The following DISP1 variants were observed in gnomAD, a reference collection of about 807,000 sequenced individuals.
The protein encoded by DISP1 is protein dispatched homolog 1.
Under a neutral mutation model 37.3 loss-of-function variants are expected in DISP1, and 30 were observed. The ratio of observed to expected loss-of-function variants is 0.80; its 90% confidence interval spans 0.60 to 1.09. The LOEUF is 1.09. DISP1 is among the 50% of genes least tolerant of loss of function. The pLI is 0.00. For missense variants in DISP1, 1,598 were observed against 1,879.5 expected (o/e 0.85, Z 2.77); for synonymous variants, 634 against 690.2 (o/e 0.92, Z 1.28).
intron 7 of DISP1, among the ~76,000 whole-genome samples, chr1:222,992,863 A>ATTTTTTT (rs1678798071): frequency 6.7e-5 from 1 of 14,980 alleles, no homozygotes; most frequent in Non-Finnish European, 2.6e-4. Context: ...AAAAACCCAG[A>ATTTTTTT]ATTTTTTTTT....
At chr1:222,932,802 AAG>A (rs1673485953) in intron 2 of DISP1, among the ~76,000 whole-genome samples, 3 of 152,062 alleles carry the variant, frequency 2.0e-5, no homozygotes, top group Admixed American at 2.0e-4. Flanking sequence ...GAACCTGGAA[AAG>A]AGATCTCTGA....
rs770897795 is a variant in DISP1, at chr1:223,005,596, G to C, written c.4199G>C (p.Gly1400Ala). The C allele has an allele frequency of 1.9e-6, 3 of 1,614,054 alleles. No homozygotes were observed. In the South Asian group the frequency reaches 3.3e-5, roughly 18 times the overall value. ...TCGTCATTTGTCTGCAGAAGCACTG[G>C]ATCGTTACTCAAAACGTGTTGCGAC... Reference protein sequence around the residue: ...EPSSFVCRSTGSLLKTCCDPE... With the variant: ...EPSSFVCRSTASLLKTCCDPE... The change falls in exon 9 of 9, where the codon GGA becomes GCA. Residue 1400 changes from glycine (G) to alanine (A), a missense_variant. Coordinates refer to ENST00000675850, the MANE Select transcript of DISP1 (RefSeq NM_001377229.1).
At chr1:222,998,974 G>GT (rs1232654058) in intron 8 of DISP1, among the ~76,000 whole-genome samples, 1 of 152,096 alleles carries the variant, frequency 6.6e-6, no homozygotes, top group African/African-American at 2.4e-5. Flanking sequence ...GTGGAGGAGG[G>GT]TCCGGCAGTC....
chr1:222,891,255 G>T (rs1418827775), intron 1 of DISP1, among the ~76,000 whole-genome samples: 1 of 152,178 alleles, frequency 6.6e-6, no homozygotes, highest in African/African-American at 2.4e-5. Flanking sequence ...CATTTTGAAG[G>T]TAGAATAGAT....
intron 1 of DISP1, among the ~76,000 whole-genome samples, chr1:222,847,602 A>AT (rs529588273): frequency 4.0e-5 from 6 of 151,348 alleles, no homozygotes; most frequent in Middle Eastern, 3.2e-3. Flanking sequence ...CCAATAGATT[A>AT]TTTTTTTTTC....
At chr1:222,979,320 G>A (rs1338570430) in intron 3 of DISP1, among the ~76,000 whole-genome samples, 1 of 152,110 alleles carries the variant, frequency 6.6e-6, no homozygotes, top group Non-Finnish European at 1.5e-5. Flanking sequence ...GGCTGAGGTG[G>A]GAGGATTACT....
chr1:222,909,540 G>A (rs967739788), intron 1 of DISP1, among the ~76,000 whole-genome samples: 1 of 152,190 alleles, frequency 6.6e-6, no homozygotes, highest in Middle Eastern at 3.2e-3. Flanking sequence ...CAACTCTTCT[G>A]TAGTTGGCAC....
At chr1:222,823,099 A>T (rs1468522989) in intron 1 of DISP1, among the ~76,000 whole-genome samples, 1 of 152,346 alleles carries the variant, frequency 6.6e-6, no homozygotes, top group African/African-American at 2.4e-5. Flanking sequence ...ATTAGTACAA[A>T]TTATTTGGAA....
intron 2 of DISP1, among the ~76,000 whole-genome samples, chr1:222,940,795 A>G (rs1441480524): frequency 6.6e-6 from 1 of 152,196 alleles, no homozygotes; most frequent in Admixed American, 6.5e-5. Context: ...ACTGAGGTAC[A>G]GGTGGAGGTT....
In DISP1 at chr1:222,991,465, A is replaced by C; in HGVS notation, c.664-55A>C. 4 of 1,610,136 alleles carry C rather than the reference A, an allele frequency of 2.5e-6. No individual in the cohort carries two copies. In the East Asian group the frequency reaches 6.7e-5, roughly 27 times the overall value. On this transcript the variant is annotated intron_variant, in intron 5 of 8. Transcript: ENST00000675850. ...ATTGCTTTCCCAAGCTTTTATTGTA[A>C]CTGTACTTAGCCTGAAATGAAATAT...
intron 3 of DISP1, among the ~76,000 whole-genome samples, chr1:222,963,679 A>G (rs1467739658): frequency 6.6e-6 from 1 of 151,676 alleles, no homozygotes; most frequent in Non-Finnish European, 1.5e-5. Context: ...AAAACCAAAC[A>G]TCACATGTTC....
At position 222,977,176 on chromosome 1, in the gene DISP1, T is replaced by A. The variant is rs1050221696; in HGVS notation, c.510-5904T>A. 4.6e-5 allele frequency among the ~76,000 whole-genome samples: 7 copies of A among 150,746 alleles called. No homozygotes were observed. In the East Asian group the frequency reaches 1.4e-3, roughly 30 times the overall value. ...TCCTGAGTAGCTGGGATTACATGCA[T>A]GCACCACCATGCCCGGCTAGTTTTT... On this transcript the variant is annotated intron_variant, in intron 3 of 8. Transcript: ENST00000675850.
In DISP1 at chr1:222,876,701, A is replaced by G. The variant is rs1669993568; in HGVS notation, c.-158-51729A>G. Among the ~76,000 whole-genome samples, 3 of 152,308 alleles carry G rather than the reference A, an allele frequency of 2.0e-5. No homozygotes were observed. In the South Asian group the frequency reaches 6.2e-4, roughly 32 times the overall value. ...TTTGTACAAAGTTGGAAGACATACA[A>G]AAGAATACATGCATTGTTTATGAAT... On this transcript the variant is annotated intron_variant, in intron 1 of 8. Coordinates refer to ENST00000675850, the MANE Select transcript of DISP1 (RefSeq NM_001377229.1).
At chr1:222,986,506 TCTGA>T (rs1399255638) in intron 4 of DISP1, among the ~76,000 whole-genome samples, 1 of 152,212 alleles carries the variant, frequency 6.6e-6, no homozygotes, top group Non-Finnish European at 1.5e-5. Context: ...ACTGAAAATC[TCTGA>T]CTATGTTTGA....
At chr1:222,978,874 G>A (rs1191613905) in intron 3 of DISP1, among the ~76,000 whole-genome samples, 2 of 152,036 alleles carry the variant, frequency 1.3e-5, no homozygotes, top group African/African-American at 2.4e-5. Flanking sequence ...TGTTCCATTG[G>A]TCTATCTCTC....
rs1420597120 is a variant in DISP1 at position 222,959,062 on chromosome 1, CCTTT to C, written c.509+15733_509+15736del. Among the ~76,000 whole-genome samples, 9 of 151,914 alleles carry C rather than the reference CCTTT, an allele frequency of 5.9e-5. No homozygotes were observed. In the East Asian group the frequency reaches 1.5e-3, roughly 26 times the overall value. On this transcript the variant is annotated intron_variant, in intron 3 of 8. Transcript: ENST00000675850. ...ATTTGTGATTTTTATAACAAAGTTA[CCTTT>C]CTAAGAATTTTAATAAATTTTATCG...
chr1:222,980,249 T>C (rs1050609414), intron 3 of DISP1, among the ~76,000 whole-genome samples: 2 of 152,240 alleles, frequency 1.3e-5, no homozygotes, highest in African/African-American at 4.8e-5. Flanking sequence ...AATGTTTCTC[T>C]TTAATTAACC....
rs144670343 is a variant in DISP1 at position 222,928,875 on chromosome 1, T to G, written c.-18+305T>G. The stretch of plus-strand genomic sequence containing the variant: ...AGGAAACCTAAGCTTTAAGGAAGTT[T>G]GTTGTTTTACACTTTGAGATTCTTA... On this transcript the variant is annotated intron_variant, in intron 2 of 8. Transcript: ENST00000675850. Among the ~76,000 whole-genome samples, 469 of 152,314 alleles carry G rather than the reference T, an allele frequency of 3.1e-3. 3 individuals are homozygous for G. Among genetic ancestry groups the G allele is most frequent in the African/African-American group, 0.011 (453 of 41,572 alleles).
intron 1 of DISP1, among the ~76,000 whole-genome samples, chr1:222,910,621 ATTAAT>A (rs746362882): frequency 2.0e-5 from 3 of 152,222 alleles, no homozygotes; most frequent in East Asian, 1.9e-4. Context: ...CAATTATAGC[ATTAAT>A]TTAATTTAAC....
Sources: allele counts gnomAD v4.1 joint callset (sites outside exome capture counted in the v4.1 genomes callset), GRCh38; gene constraint gnomAD v4.1.1; transcripts MANE v1.5; gene names NCBI Gene and HGNC (gene_info 2026-07-23, HGNC 2026-07-21).